The following ZNF700 variants were observed in gnomAD, a reference collection of about 807,000 sequenced individuals.
ZNF700 encodes the protein zinc finger protein 700.
Under a neutral mutation model 65.3 loss-of-function variants are expected in ZNF700, and 38 were observed. That is an observed-to-expected ratio of 0.58 (90% CI 0.45 to 0.76). The LOEUF is 0.76. Among genes scored for constraint, ZNF700 ranks in the 30% least tolerant of loss-of-function variants. The pLI is 0.00. For missense variants in ZNF700, 857 were observed against 888.4 expected (o/e 0.96, Z 0.45); for synonymous variants, 285 against 290.4 (o/e 0.98, Z 0.19).
At chr19:11,928,133 C>T (rs920253932) in intron 1 of ZNF700, among the ~76,000 whole-genome samples, 1 of 152,010 alleles carries the variant, frequency 6.6e-6, no homozygotes, top group African/African-American at 2.4e-5. Flanking sequence ...ACTACAATTG[C>T]CCACCAGCAC....
At chr19:11,935,748 G>A (rs1972785416) in intron 1 of ZNF700, among the ~76,000 whole-genome samples, 1 of 152,160 alleles carries the variant, frequency 6.6e-6, no homozygotes, top group South Asian at 2.1e-4. Context: ...GGGTACATGT[G>A]CACAACGTGC....
rs994609850 is a variant in ZNF700 at position 11,928,548 on chromosome 19, C to T, written c.63+3275C>T. ...GAGATCGAGACCATCCCGGCTAAAA[C>T]GGTGAAACCCCGTCTCTACTAAAAA... On this transcript the variant is annotated intron_variant, in intron 1 of 3. Transcript: ENST00000254321. 1.6e-4 allele frequency among the ~76,000 whole-genome samples: 24 copies of T among 148,760 alleles called. No homozygotes were observed. The South Asian group carries it at 3.6e-3, about 22-fold the overall frequency.
intron 1 of ZNF700, among the ~76,000 whole-genome samples, chr19:11,938,471 G>C (rs1972831510): frequency 6.6e-6 from 1 of 152,124 alleles, no homozygotes; most frequent in Non-Finnish European, 1.5e-5. Context: ...ACCTATGAGT[G>C]AGAATATGCG....
rs1466812084 is a variant in ZNF700 at position 11,949,739 on chromosome 19, C to T, written c.1715C>T (p.Ala572Val). ...TATGAGTGTAAGCAATGTGGGAAAG[C>T]CTTCAGATCTGCCTCACACCTTCGA... ...KPYECKQCGK[A>V]FRSASHLRMH... is the part of the protein sequence containing the mutation. Residue 572 changes from alanine (A) to valine (V), a missense_variant, in exon 4 of 4, where the codon GCC (alanine) becomes GTC (valine). Transcript: ENST00000254321. The T allele has an allele frequency of 2.5e-6, 4 of 1,613,848 alleles. No individual in the cohort carries two copies. Among genetic ancestry groups the T allele is most frequent in the Admixed American group, 3.3e-5 (2 of 59,984 alleles).
Position 11,950,639 on chromosome 19 carries a change from CT to C in ZNF700, c.*388del. On this transcript the variant is annotated 3_prime_UTR_variant, in exon 4 of 4. Transcript: ENST00000254321. ...ATGAATGTAAGCAGTATGGGAAAGCCTTCAGATCTGCCAAGATTCTTTGAAT... is the reference window on the plus strand; with the variant it reads ...ATGAATGTAAGCAGTATGGGAAAGCCTCAGATCTGCCAAGATTCTTTGAAT... The C allele has an allele frequency of 2.8e-6, 1 of 355,828 alleles. No individual in the cohort carries two copies. 22.0% of individuals were successfully genotyped at this position (355,828 alleles called of 1,614,324 possible).
At chr19:11,937,732 C>T (rs1272511461) in intron 1 of ZNF700, among the ~76,000 whole-genome samples, 1 of 152,042 alleles carries the variant, frequency 6.6e-6, no homozygotes. Flanking sequence ...TCATGATCTG[C>T]CTGCCTCAGC....
chr19:11,950,571 C>T lies in ZNF700; in HGVS notation c.*318C>T. The T allele has an allele frequency of 3.8e-6, 2 of 532,766 alleles. No homozygotes were observed. The highest frequency in any genetic ancestry group is 3.2e-4 in the Middle Eastern group (1 of 3,164). The allele number at this position is 532,766 out of a possible 1,614,324, so 33.0% of individuals were successfully genotyped here. A position where few individuals can be genotyped will look rare whatever the true frequency, so the allele number is the denominator to read the frequency against. ...TGGGAAAGCCTTCAGATGTGCCTCGCACCTTCAACGGCATGGAAGGGTTCA... is the reference window on the plus strand; with the variant it reads ...TGGGAAAGCCTTCAGATGTGCCTCGTACCTTCAACGGCATGGAAGGGTTCA... On this transcript the variant is annotated 3_prime_UTR_variant, in exon 4 of 4. Coordinates refer to ENST00000254321, the MANE Select transcript of ZNF700 (RefSeq NM_144566.3).
At position 11,938,322 on chromosome 19, in the gene ZNF700, T is replaced by C. The variant is rs576848359; in HGVS notation, c.64-8859T>C. Among the ~76,000 whole-genome samples the C allele has an allele frequency of 2.6e-3, 400 of 152,288 alleles. 2 individuals carry two copies. Among genetic ancestry groups the C allele is most frequent in the African/African-American group, 9.3e-3 (387 of 41,548 alleles). On this transcript the variant is annotated intron_variant, in intron 1 of 3. Coordinates refer to ENST00000254321, the MANE Select transcript of ZNF700 (RefSeq NM_144566.3). ...CACATGTATACATGTGACATGTTGGTGTGCTGCACCCATTAACTCGTTATT... is the reference window on the plus strand; with the variant it reads ...CACATGTATACATGTGACATGTTGGCGTGCTGCACCCATTAACTCGTTATT...
At chr19:11,927,559 G>T (rs1342101896) in intron 1 of ZNF700, among the ~76,000 whole-genome samples, 1 of 152,162 alleles carries the variant, frequency 6.6e-6, no homozygotes, top group African/African-American at 2.4e-5. Context: ...TTTTTCTTAT[G>T]TAGGGATCTT....
rs763770553 is a variant in ZNF700 at position 11,949,056 on chromosome 19, C to T, written c.1032C>T (p.Ser344=). 3 of 1,608,420 alleles carry T rather than the reference C, an allele frequency of 1.9e-6. No homozygotes were observed. The highest frequency in any genetic ancestry group is 1.6e-4 in the Middle Eastern group (1 of 6,064). The change falls in exon 4 of 4, where the codon TCC becomes TCT. Residue 344 remains serine, a synonymous_variant. Transcript: ENST00000254321. The part of the protein sequence containing the change: ...YECKQYGEGL[S]YLISFQTHIR... ...GTAAGCAATATGGGGAAGGCTTATC[C>T]TATCTTATAAGTTTTCAAACACACA...
In ZNF700 at chr19:11,948,589, A is replaced by G. The variant is rs763824091; in HGVS notation, c.565A>G (p.Thr189Ala). 2 of 1,607,664 alleles carry G rather than the reference A, an allele frequency of 1.2e-6. No individual in the cohort carries two copies. The highest frequency in any genetic ancestry group is 8.5e-7 in the Non-Finnish European group (1 of 1,178,658). ...PSIRTQERDH[T>A]GEKPYACKVC... is the part of the protein sequence containing the mutation. ...CATTAGAACACAAGAAAGGGATCAC[A>G]CTGGAGAGAAACCCTATGCTTGTAA... The change falls in exon 4 of 4, where the codon ACT (threonine) becomes GCT (alanine). Residue 189 changes from threonine to alanine, a missense_variant. This residue lies in a region of ZNF700 where 603 missense variants were observed against 619.9 expected (regional missense o/e 0.97). Coordinates refer to ENST00000254321, the MANE Select transcript of ZNF700 (RefSeq NM_144566.3).
chr19:11,947,769 G>A (rs1972984653), intron 3 of ZNF700, among the ~76,000 whole-genome samples, 195 bp downstream of exon 3: 1 of 152,238 alleles, frequency 6.6e-6, no homozygotes, highest in South Asian at 2.1e-4. Context: ...CCTTTGAGAA[G>A]TGGAGATAGG....
chr19:11,926,213 T>G (rs1275201510), intron 1 of ZNF700, among the ~76,000 whole-genome samples: 1 of 152,200 alleles, frequency 6.6e-6, no homozygotes, highest in African/African-American at 2.4e-5. Flanking sequence ...GTTTGTAAGT[T>G]AGTATCTTCT....
Position 11,949,968 on chromosome 19 carries a change from T to A in ZNF700, c.1944T>A (p.Tyr648Ter). Reference sequence around the variant, plus strand: ...GGACTCACACTGGAGAGAAACCCTATGAATGTAAGGAATGCGAAAAAGCAT... The same window carrying A: ...GGACTCACACTGGAGAGAAACCCTAAGAATGTAAGGAATGCGAAAAAGCAT... ...HERTHTGEKPYECKECEKAFC... is the reference protein window; with the variant it reads ...HERTHTGEKP Residue 648 changes from tyrosine to a stop codon, truncating the protein, a stop_gained, in exon 4 of 4, where the codon TAT (tyrosine) becomes TAA (stop). Transcript: ENST00000254321. LOFTEE classifies it high-confidence loss of function. 1.2e-6 allele frequency: 2 copies of A among 1,614,110 alleles called. No homozygotes were observed. The highest frequency in any genetic ancestry group is 1.7e-5 in the Admixed American group (1 of 60,002).
At chr19:11,935,691 C>A (rs1006498499) in intron 1 of ZNF700, among the ~76,000 whole-genome samples, 1 of 152,244 alleles carries the variant, frequency 6.6e-6, no homozygotes, top group Admixed American at 6.5e-5. Context: ...CCAAAACAGA[C>A]AGTTTTACTT....
Position 11,949,241 on chromosome 19 carries a change from G to A in ZNF700, c.1217G>A (p.Arg406Gln), listed in dbSNP as rs200865704. The A allele has an allele frequency of 7.8e-5, 126 of 1,613,754 alleles. No homozygotes were observed. The highest frequency in any genetic ancestry group is 2.7e-4 in the Admixed American group (16 of 59,976). The stretch of plus-strand genomic sequence containing the variant: ...GCCTTCAATCTTTCCAGTTCCTTTC[G>A]ATATCATGAAAGGATTCACACTGGA... ...GKAFNLSSSFRYHERIHTGEK... is the reference protein window; with the variant it reads ...GKAFNLSSSFQYHERIHTGEK... Residue 406 changes from arginine to glutamine, a missense_variant, in exon 4 of 4, where the codon CGA (arginine) becomes CAA (glutamine). By Grantham distance (43) the Arg-to-Gln change is conservative. Around this residue, in one of 3 missense-constraint regions of ZNF700, gnomAD observed 603 missense variants for 619.9 expected, o/e 0.97. Transcript: ENST00000254321.
intron 1 of ZNF700, among the ~76,000 whole-genome samples, chr19:11,939,409 G>A (rs889092274): frequency 5.3e-5 from 8 of 152,128 alleles, no homozygotes; most frequent in Admixed American, 1.3e-4. Flanking sequence ...TGTATAAGGC[G>A]TAAGGAAGGG....
intron 1 of ZNF700, among the ~76,000 whole-genome samples, chr19:11,935,602 C>T (rs1028353892): frequency 6.6e-6 from 1 of 151,964 alleles, no homozygotes; most frequent in African/African-American, 2.4e-5. Flanking sequence ...CTTTTGGATA[C>T]CAGTCCATCA....
intron 1 of ZNF700, among the ~76,000 whole-genome samples, chr19:11,937,515 G>T (rs1470274175): frequency 1.4e-5 from 2 of 142,266 alleles, no homozygotes; most frequent in Non-Finnish European, 1.5e-5. Flanking sequence ...TTGAGACAGA[G>T]TCTCGCTCTG....
Sources: gnomAD v4.1 joint callset for allele counts (sites outside exome capture counted in the v4.1 genomes callset) on GRCh38, gnomAD v4.1.1 for gene constraint, gnomAD v4.1.1 regional missense constraint, MANE v1.5 for transcripts, NCBI Gene and HGNC (gene_info 2026-07-23, HGNC 2026-07-21) for gene names.